Variants in CTNNA3 observed in about 807,000 individuals in gnomAD.
CTNNA3 encodes catenin alpha-3.
CTNNA3 carries 76 observed loss-of-function variants against 95.7 expected under a neutral mutation model. The observed-to-expected ratio is 0.79, with a 90% confidence interval of 0.66 to 0.96. The LOEUF is 0.96. Among genes scored for constraint, CTNNA3 ranks in the 40% least tolerant of loss-of-function variants. CTNNA3 has a pLI of 0.00. For synonymous variants in CTNNA3, 431 were observed against 374.4 expected (o/e 1.15, Z -1.74); for missense variants, 1,191 against 1,089.8 (o/e 1.09, Z -1.31).
intron 11 of CTNNA3, among the ~76,000 whole-genome samples, chr10:66,434,717 T>C (rs2093324574): frequency 7.9e-5 from 12 of 152,220 alleles, no homozygotes; most frequent in Admixed American, 7.9e-4. Context: ...CATCCTTGCC[T>C]GTGCTGGTTT....
intron 5 of CTNNA3, among the ~76,000 whole-genome samples, chr10:67,401,901 C>G (rs189772426): frequency 6.6e-6 from 1 of 152,148 alleles, no homozygotes; most frequent in South Asian, 2.1e-4. Flanking sequence ...CCATACAGAG[C>G]CTTAGTTCTC....
At chr10:67,316,355 A>G (rs1175818422) in intron 5 of CTNNA3, among the ~76,000 whole-genome samples, 2 of 152,152 alleles carry the variant, frequency 1.3e-5, no homozygotes, top group African/African-American at 4.8e-5. Flanking sequence ...GAGTTGTTTA[A>G]ATTTTATAAT....
At chr10:67,609,014 C>T (rs563259763) in intron 2 of CTNNA3, among the ~76,000 whole-genome samples, 38 of 147,696 alleles carry the variant, frequency 2.6e-4, no homozygotes, top group Middle Eastern at 3.5e-3. Flanking sequence ...CGCTTGAACC[C>T]GGCAGGCAGA....
At chr10:66,180,315 G>C (rs1003795871) in intron 13 of CTNNA3, among the ~76,000 whole-genome samples, 5 of 152,062 alleles carry the variant, frequency 3.3e-5, no homozygotes, top group African/African-American at 1.2e-4. Flanking sequence ...AGGTTTTAGT[G>C]AATACAAAAG....
At chr10:66,898,328 A>G (rs2132515709) in intron 7 of CTNNA3, among the ~76,000 whole-genome samples, 1 of 151,782 alleles carries the variant, frequency 6.6e-6, no homozygotes, top group African/African-American at 2.4e-5. Context: ...CAGGGATTTC[A>G]GAATAAAAAT....
At position 66,927,983 on chromosome 10, in the gene CTNNA3, A is replaced by G; in HGVS notation, c.1048-152459T>C. ...GGAGTAAATGTGATCGATGCAGTGA[A>G]GAACTACAGCATCTGTGGCAAAAGT... On this transcript the variant is annotated intron_variant, in intron 7 of 17. Coordinates refer to ENST00000433211, the MANE Select transcript of CTNNA3 (RefSeq NM_013266.4). This position sits in a 1 kb window ranked among gnomAD's most constrained non-coding sequence, Gnocchi z 4.7. 6.2e-7 allele frequency: 1 copy of G among 1,614,224 alleles called. No individual in the cohort carries two copies. The highest frequency in any genetic ancestry group is 1.3e-5 in the African/African-American group (1 of 75,062).
At chr10:67,719,227 T>A (rs1841163446) in intron 1 of CTNNA3, among the ~76,000 whole-genome samples, 1 of 151,080 alleles carries the variant, frequency 6.6e-6, no homozygotes, top group Non-Finnish European at 1.5e-5. Flanking sequence ...GTGGTCTATT[T>A]TGTTAATCTT....
chr10:67,331,355 C>G (rs1388386237), intron 5 of CTNNA3, among the ~76,000 whole-genome samples: 4 of 152,194 alleles, frequency 2.6e-5, no homozygotes, highest in African/African-American at 4.8e-5. Context: ...TTTCCAACAT[C>G]ACTTGCAGGC....
intron 7 of CTNNA3, among the ~76,000 whole-genome samples, chr10:67,105,116 T>G (rs1213311157): frequency 6.6e-6 from 1 of 152,006 alleles, no homozygotes; most frequent in African/African-American, 2.4e-5. Flanking sequence ...TTTTAAAAAC[T>G]AAGACCCATT....
intron 5 of CTNNA3, among the ~76,000 whole-genome samples, chr10:67,429,105 T>C (rs1053527276): frequency 6.6e-6 from 1 of 152,034 alleles, no homozygotes; most frequent in East Asian, 1.9e-4. Flanking sequence ...TACTTGGATA[T>C]GGCAATCACA....
At chr10:66,526,022 A>G (rs1841245465) in intron 10 of CTNNA3, among the ~76,000 whole-genome samples, 1 of 152,162 alleles carries the variant, frequency 6.6e-6, no homozygotes, top group Non-Finnish European at 1.5e-5. Context: ...TACAGTATGT[A>G]CATACTATGT....
At chr10:66,721,339 A>G (rs971083480) in intron 9 of CTNNA3, among the ~76,000 whole-genome samples, 4 of 152,180 alleles carry the variant, frequency 2.6e-5, no homozygotes, top group African/African-American at 9.6e-5. Flanking sequence ...GACAACATAT[A>G]AGAAAACAAC....
intron 9 of CTNNA3, among the ~76,000 whole-genome samples, chr10:66,661,285 A>T (rs1846254675): frequency 6.6e-6 from 1 of 152,140 alleles, no homozygotes; most frequent in Non-Finnish European, 1.5e-5. Flanking sequence ...CCTCAGAATC[A>T]TGGCGGGAGG....
At chr10:67,163,454 GAGA>G (rs1861633870) in intron 7 of CTNNA3, among the ~76,000 whole-genome samples, 1 of 151,936 alleles carries the variant, frequency 6.6e-6, no homozygotes, top group Admixed American at 6.6e-5. Flanking sequence ...TCTAGAAACA[GAGA>G]AGAACTTCTA....
chr10:67,420,867 A>T (rs1379025845), intron 5 of CTNNA3, among the ~76,000 whole-genome samples: 3 of 152,194 alleles, frequency 2.0e-5, no homozygotes, highest in Non-Finnish European at 4.4e-5. Context: ...TCAGGGGTTA[A>T]TGAGTCTCAG....
intron 15 of CTNNA3, among the ~76,000 whole-genome samples, chr10:66,034,420 T>G (rs1042989725): frequency 6.6e-6 from 1 of 152,190 alleles, no homozygotes; most frequent in African/African-American, 2.4e-5. Flanking sequence ...TGCTGTTGAA[T>G]TTCTGGAGCT....
At chr10:67,485,238 G>A (rs752678403) in intron 5 of CTNNA3, among the ~76,000 whole-genome samples, 17 of 152,162 alleles carry the variant, frequency 1.1e-4, no homozygotes, top group Admixed American at 7.2e-4. Context: ...AATACCACAC[G>A]TTCTCATTTA....
chr10:66,641,787 C>T (rs188370380), intron 9 of CTNNA3, among the ~76,000 whole-genome samples: 202 of 152,202 alleles, frequency 1.3e-3, no homozygotes, highest in Non-Finnish European at 1.8e-3. Flanking sequence ...AAATAATGGT[C>T]TGCTTTGCTG....
intron 7 of CTNNA3, among the ~76,000 whole-genome samples, chr10:66,860,661 T>G (rs915565172): frequency 6.6e-6 from 1 of 152,216 alleles, no homozygotes; most frequent in Non-Finnish European, 1.5e-5. Context: ...ATTGCAGTAT[T>G]TGCTATACAT....
Sources: gnomAD v4.1 joint callset for allele counts (sites outside exome capture counted in the v4.1 genomes callset) on GRCh38, gnomAD v4.1.1 for gene constraint, Gnocchi (gnomAD v3.1) non-coding constraint, MANE v1.5 for transcripts, NCBI Gene and HGNC (gene_info 2026-07-23, HGNC 2026-07-21) for gene names.